Variants in SLC35F4 observed in about 807,000 individuals in gnomAD.
The protein encoded by SLC35F4 is solute carrier family 35 member F4.
Under a neutral mutation model 44.2 loss-of-function variants are expected in SLC35F4, and 24 were observed. The observed-to-expected ratio is 0.54, with a 90% CI of 0.39 to 0.76. The LOEUF (loss-of-function observed/expected upper bound fraction) is 0.76, where lower values mean the gene tolerates loss of function less well. Among genes scored for constraint, SLC35F4 ranks in the 30% least tolerant of loss-of-function variants. SLC35F4 has a pLI of 0.00. For missense variants in SLC35F4, 562 were observed against 586.1 expected (o/e 0.96, Z 0.42); for synonymous variants, 238 against 223.6 (o/e 1.06, Z -0.57).
At chr14:57,907,157 G>A (rs888669232) in intron 1 of SLC35F4, among the ~76,000 whole-genome samples, 2 of 152,176 alleles carry the variant, frequency 1.3e-5, no homozygotes, top group African/African-American at 4.8e-5. Flanking sequence ...TGCAATCATA[G>A]CTCACTGCAG....
intron 1 of SLC35F4, among the ~76,000 whole-genome samples, chr14:57,953,048 G>A (rs921021583): frequency 6.6e-6 from 1 of 152,258 alleles, no homozygotes; most frequent in South Asian, 2.1e-4. Context: ...GAAAGATCAG[G>A]CTACCCAGAA....
At chr14:57,677,435 A>G (rs899022395) in intron 1 of SLC35F4, among the ~76,000 whole-genome samples, 8 of 152,036 alleles carry the variant, frequency 5.3e-5, no homozygotes, top group African/African-American at 1.9e-4. Context: ...TTAAAAAGGG[A>G]TAAACAGATG....
intron 1 of SLC35F4, among the ~76,000 whole-genome samples, chr14:57,958,326 G>C: frequency 6.6e-6 from 1 of 152,184 alleles, no homozygotes; most frequent in East Asian, 1.9e-4. Flanking sequence ...CCAAAGTGCT[G>C]AGATTACATG....
intron 1 of SLC35F4, among the ~76,000 whole-genome samples, chr14:57,846,357 T>C (rs539512135): frequency 6.6e-6 from 1 of 152,322 alleles, no homozygotes; most frequent in South Asian, 2.1e-4. Flanking sequence ...ATTTCCATGT[T>C]GCCTGAATAT....
At chr14:57,955,744 G>A (rs1477044946) in intron 1 of SLC35F4, among the ~76,000 whole-genome samples, 1 of 152,128 alleles carries the variant, frequency 6.6e-6, no homozygotes, top group African/African-American at 2.4e-5. Context: ...GGATGTGAAG[G>A]ACCTCTTCAA....
chr14:57,612,360 T>C (rs1237383478), intron 1 of SLC35F4, among the ~76,000 whole-genome samples: 1 of 152,172 alleles, frequency 6.6e-6, no homozygotes, highest in Non-Finnish European at 1.5e-5. Context: ...TGCCTGCCTT[T>C]TTCTCTAGCC....
At chr14:57,961,980 G>A (rs985864245) in intron 1 of SLC35F4, among the ~76,000 whole-genome samples, 1 of 152,132 alleles carries the variant, frequency 6.6e-6, no homozygotes, top group Non-Finnish European at 1.5e-5. Context: ...CTGGAGCAGG[G>A]TACATGCCCA....
chr14:57,629,743 A>C (rs901699526), intron 1 of SLC35F4: 8 of 270,466 alleles, frequency 3.0e-5, no homozygotes, highest in Non-Finnish European at 5.8e-5. Context: ...TGGGCACATA[A>C]GACAGGAACA....
chr14:57,606,750 G>A (rs947531371), intron 1 of SLC35F4, among the ~76,000 whole-genome samples: 4 of 152,146 alleles, frequency 2.6e-5, no homozygotes, highest in Non-Finnish European at 4.4e-5. Context: ...TCCCTGGTAC[G>A]CTCTCCTGGA....
intron 1 of SLC35F4, among the ~76,000 whole-genome samples, chr14:57,755,719 A>G (rs1414205050): frequency 8.0e-6 from 1 of 124,620 alleles, no homozygotes; most frequent in Non-Finnish European, 1.8e-5. Flanking sequence ...TATGCTTCAT[A>G]GTTTACTGCA....
intron 1 of SLC35F4, among the ~76,000 whole-genome samples, chr14:57,692,368 T>C (rs2075260122): frequency 6.6e-6 from 1 of 152,142 alleles, no homozygotes; most frequent in Non-Finnish European, 1.5e-5. Flanking sequence ...AATGGTCATA[T>C]ATTTATTTCT....
rs2073663519 is a variant in SLC35F4, at chr14:57,648,922, A to C, written c.104-54798T>G. On this transcript the variant is annotated intron_variant, in intron 1 of 7. Transcript: ENST00000556826. ...ACTGTATTTCTATTTACTAAATCTG[A>C]CAGACCTACGACTCACTCACTCTGC... 2.0e-5 allele frequency among the ~76,000 whole-genome samples: 3 copies of C among 152,308 alleles called. No homozygotes were observed. The South Asian group carries it at 6.2e-4, about 32-fold the overall frequency.
intron 1 of SLC35F4, among the ~76,000 whole-genome samples, chr14:57,783,328 A>G (rs1356027803): frequency 6.6e-6 from 1 of 152,080 alleles, no homozygotes; most frequent in Non-Finnish European, 1.5e-5. Context: ...AGATGCCACT[A>G]AGAAAATTAT....
intron 1 of SLC35F4, among the ~76,000 whole-genome samples, chr14:57,751,036 T>G (rs1264341709): frequency 1.3e-5 from 2 of 152,216 alleles, no homozygotes; most frequent in Non-Finnish European, 2.9e-5. Flanking sequence ...ATCAGCATCA[T>G]CATTACAGCA....
intron 1 of SLC35F4, among the ~76,000 whole-genome samples, chr14:57,839,908 A>C (rs1885329875): frequency 6.6e-6 from 1 of 152,132 alleles, no homozygotes; most frequent in Non-Finnish European, 1.5e-5. Flanking sequence ...AGCATGTCCA[A>C]AACACGCCCC....
intron 1 of SLC35F4, among the ~76,000 whole-genome samples, chr14:57,755,885 G>A (rs577240725): frequency 3.7e-4 from 57 of 152,180 alleles, no homozygotes; most frequent in Non-Finnish European, 7.6e-4. Context: ...GGCACTGCCA[G>A]CCTCGGAGGC....
downstream of SLC35F4, among the ~76,000 whole-genome samples, chr14:57,972,802 C>T (rs1003779289): frequency 3.9e-5 from 6 of 152,188 alleles, no homozygotes; most frequent in African/African-American, 1.2e-4. Flanking sequence ...CCTCCATTCT[C>T]GTACCTTCTG....
chr14:57,952,815 G>T (rs575623731), intron 1 of SLC35F4, among the ~76,000 whole-genome samples: 1 of 152,228 alleles, frequency 6.6e-6, no homozygotes, highest in African/African-American at 2.4e-5. Flanking sequence ...CGTTTGATTA[G>T]TGCACCTAAA....
chr14:57,588,047 A>G (rs2139876343), intron 3 of SLC35F4, among the ~76,000 whole-genome samples: 1 of 132,876 alleles, frequency 7.5e-6, no homozygotes. Context: ...TTAGCCAGGC[A>G]TGGTGGCGGG....
Sources: allele counts gnomAD v4.1 joint callset (sites outside exome capture counted in the v4.1 genomes callset), GRCh38; gene constraint gnomAD v4.1.1; transcripts MANE v1.5; gene names NCBI Gene and HGNC (gene_info 2026-07-23, HGNC 2026-07-21).